Variants in KCNIP4 observed in about 807,000 individuals in gnomAD.
KCNIP4 encodes the protein Kv channel-interacting protein 4.
In KCNIP4, 12 loss-of-function variants were observed where a neutral mutation model predicts 34.0. The observed-to-expected ratio is 0.35, with a 90% CI of 0.23 to 0.57. KCNIP4 has a LOEUF of 0.57. KCNIP4 is among the 20% of genes least tolerant of loss of function. The pLI, the probability that KCNIP4 is intolerant of heterozygous loss-of-function variation, is 0.83. For synonymous variants in KCNIP4, 124 were observed against 102.2 expected (o/e 1.21, Z -1.29); for missense variants, 238 against 311.7 (o/e 0.76, Z 1.78).
intron 1 of KCNIP4, among the ~76,000 whole-genome samples, chr4:21,798,266 T>C (rs1272572936): frequency 6.6e-6 from 1 of 151,508 alleles, no homozygotes; most frequent in African/African-American, 2.4e-5. Flanking sequence ...AGAAATAAAA[T>C]GCAGGATGGG....
At chr4:20,885,619 G>C (rs1157576959) in intron 1 of KCNIP4, among the ~76,000 whole-genome samples, 1 of 152,010 alleles carries the variant, frequency 6.6e-6, no homozygotes, top group Non-Finnish European at 1.5e-5. Flanking sequence ...TATGAATTAA[G>C]CTCTTTATTG....
At chr4:21,875,505 G>T (rs796232882) in intron 1 of KCNIP4, among the ~76,000 whole-genome samples, 35 of 152,274 alleles carry the variant, frequency 2.3e-4, no homozygotes, top group African/African-American at 8.2e-4. Flanking sequence ...CTCCATATCT[G>T]TGAGTTGTAT....
chr4:21,511,260 C>A lies in KCNIP4; in HGVS notation c.61+437311G>T, dbSNP rs545921378. On this transcript the variant is annotated intron_variant, in intron 1 of 8. Coordinates refer to ENST00000382152, the MANE Select transcript of KCNIP4 (RefSeq NM_025221.6). The stretch of plus-strand genomic sequence containing the variant: ...TATTAAAGAAATAATAAATAAAAGT[C>A]ATTTTTAGGATATAGCTATCACTTT... 4.7e-4 allele frequency among the ~76,000 whole-genome samples: 72 copies of A among 152,080 alleles called. No homozygotes were observed. In the East Asian group the frequency reaches 8.1e-3, roughly 17 times the overall value.
chr4:21,187,090 C>A (rs149842945), intron 1 of KCNIP4, among the ~76,000 whole-genome samples: 5 of 152,150 alleles, frequency 3.3e-5, no homozygotes, highest in African/African-American at 1.2e-4. Flanking sequence ...TTATTTTATT[C>A]TCAGCAATAT....
chr4:20,998,791 G>A (rs1737799189), intron 1 of KCNIP4, among the ~76,000 whole-genome samples: 1 of 152,232 alleles, frequency 6.6e-6, no homozygotes, highest in Non-Finnish European at 1.5e-5. Context: ...ATGACTCAAT[G>A]TCTTGACACC....
intron 1 of KCNIP4, among the ~76,000 whole-genome samples, chr4:21,159,428 G>T (rs1475943949): frequency 5.2e-5 from 1 of 19,164 alleles, no homozygotes; most frequent in Non-Finnish European, 1.1e-4. Context: ...GAACAGCTCC[G>T]GTCTACAGCT....
At position 20,983,959 on chromosome 4, in the gene KCNIP4, CCCCTTT is replaced by C. The variant is rs754854782; in HGVS notation, c.62-101256_62-101251del. On this transcript the variant is annotated intron_variant, in intron 1 of 8. Coordinates refer to ENST00000382152, the MANE Select transcript of KCNIP4 (RefSeq NM_025221.6). The stretch of plus-strand genomic sequence containing the variant: ...CTGGCAGAGCATCCCAGCCTCCAGA[CCCCTTT>C]GGAGTGGAGGGAGTTAATTACAGAA... 1.2e-5 allele frequency: 19 copies of C among 1,535,338 alleles called. No individual in the cohort carries two copies. The South Asian group carries it at 1.9e-4, about 15-fold the overall frequency.
chr4:21,946,738 T>C (rs1239823924), intron 1 of KCNIP4, among the ~76,000 whole-genome samples: 1 of 152,212 alleles, frequency 6.6e-6, no homozygotes, highest in Non-Finnish European at 1.5e-5. Context: ...AGGTGTCAAA[T>C]CAATTCTCAG....
At chr4:21,907,309 G>A (rs917493874) in intron 1 of KCNIP4, among the ~76,000 whole-genome samples, 4 of 152,154 alleles carry the variant, frequency 2.6e-5, no homozygotes, top group African/African-American at 9.7e-5. Context: ...CTCACACGTT[G>A]TCTCTTTCAC....
At chr4:21,011,465 A>G (rs994913805) in intron 1 of KCNIP4, among the ~76,000 whole-genome samples, 1 of 152,224 alleles carries the variant, frequency 6.6e-6, no homozygotes, top group African/African-American at 2.4e-5. Context: ...TATTATTTCC[A>G]GCCAACTTTG....
At chr4:21,140,352 C>A (rs1256462197) in intron 1 of KCNIP4, among the ~76,000 whole-genome samples, 1 of 152,034 alleles carries the variant, frequency 6.6e-6, no homozygotes, top group East Asian at 1.9e-4. Context: ...CTTAGAACAA[C>A]ATTTGGTACA....
At chr4:21,360,694 C>T (rs2109404923) in intron 1 of KCNIP4, among the ~76,000 whole-genome samples, 1 of 152,166 alleles carries the variant, frequency 6.6e-6, no homozygotes, top group East Asian at 1.9e-4. Flanking sequence ...AAAAATTCCC[C>T]ACAGTGCACC....
At chr4:21,897,566 A>G (rs769943119) in intron 1 of KCNIP4, among the ~76,000 whole-genome samples, 23 of 152,236 alleles carry the variant, frequency 1.5e-4, no homozygotes, top group Non-Finnish European at 2.6e-4. Context: ...GGAAGGGGAA[A>G]AAGATATATT....
chr4:21,934,842 G>C (rs529949589), intron 1 of KCNIP4, among the ~76,000 whole-genome samples: 1 of 152,144 alleles, frequency 6.6e-6, no homozygotes, highest in Admixed American at 6.6e-5. Flanking sequence ...TAACCCCTTT[G>C]AGCCTCAATT....
chr4:21,325,909 A>G (rs1000903905), intron 1 of KCNIP4, among the ~76,000 whole-genome samples: 3 of 151,808 alleles, frequency 2.0e-5, no homozygotes, highest in Admixed American at 6.6e-5. Context: ...ATAGTTTTCA[A>G]AATTCCTCTT....
chr4:21,116,009 G>A (rs759777694), intron 1 of KCNIP4, among the ~76,000 whole-genome samples: 3 of 152,150 alleles, frequency 2.0e-5, no homozygotes, highest in Non-Finnish European at 4.4e-5. Flanking sequence ...CAGTGAAGGC[G>A]ATGGTTTCGG....
intron 1 of KCNIP4, among the ~76,000 whole-genome samples, chr4:21,704,018 G>A (rs1043990280): frequency 6.6e-6 from 1 of 152,112 alleles, no homozygotes; most frequent in Non-Finnish European, 1.5e-5. Flanking sequence ...TGCAGAAATA[G>A]AGCCACACAA....
Position 20,869,939 on chromosome 4 carries a change from T to C in KCNIP4, c.163+12669A>G, listed in dbSNP as rs552551406. On this transcript the variant is annotated intron_variant, in intron 2 of 8. Coordinates refer to ENST00000382152, the MANE Select transcript of KCNIP4 (RefSeq NM_025221.6). ...AAAGGGGAAGAGCAATGGAACCTACTATAAAATGTTGTCAGGAGGTTGAAA... is the reference window on the plus strand; with the variant it reads ...AAAGGGGAAGAGCAATGGAACCTACCATAAAATGTTGTCAGGAGGTTGAAA... Among the ~76,000 whole-genome samples, 6 of 152,206 alleles carry C rather than the reference T, an allele frequency of 3.9e-5. No homozygotes were observed. In the East Asian group the frequency reaches 1.2e-3, roughly 29 times the overall value.
intron 1 of KCNIP4, among the ~76,000 whole-genome samples, chr4:21,337,701 G>A (rs1310223363): frequency 6.6e-6 from 1 of 152,018 alleles, no homozygotes; most frequent in Non-Finnish European, 1.5e-5. Flanking sequence ...TGAGAATTTT[G>A]AAAAAGATAA....
Sources: allele counts gnomAD v4.1 joint callset (sites outside exome capture counted in the v4.1 genomes callset), GRCh38; gene constraint gnomAD v4.1.1; transcripts MANE v1.5; gene names NCBI Gene and HGNC (gene_info 2026-07-23, HGNC 2026-07-21).